The following SLX4IP variants were observed in gnomAD, a reference collection of about 807,000 sequenced individuals.
The protein encoded by SLX4IP is SLX4 interacting protein, also known as protein SLX4IP.
A neutral mutation model predicts 32.9 loss-of-function variants in SLX4IP; 34 were observed. The ratio of observed to expected loss-of-function variants is 1.03; its 90% CI spans 0.79 to 1.38. The LOEUF (loss-of-function observed/expected upper bound fraction) is 1.38, where lower values mean the gene tolerates loss of function less well. SLX4IP is among the 40% of genes most tolerant of loss of function. The pLI is 0.00. For missense variants in SLX4IP, 444 were observed against 479.0 expected (o/e 0.93, Z 0.68); for synonymous variants, 172 against 171.7 (o/e 1.00, Z -0.01).
chr20:10,535,468 C>G (rs531873659), intron 2 of SLX4IP, among the ~76,000 whole-genome samples: 32 of 152,152 alleles, frequency 2.1e-4, no homozygotes, highest in African/African-American at 2.6e-4. Flanking sequence ...ATTACAGGTG[C>G]GTGCCACCAT....
Position 10,490,632 on chromosome 20 carries a change from C to T in SLX4IP, c.27+32401C>T, listed in dbSNP as rs111887971. ...TTCTTTGTGCCTTTTCCAGAGGATC[C>T]AGAAAGAATGGAGAGACTTGAAACC... On this transcript the variant is annotated intron_variant, in intron 2 of 7. Transcript: ENST00000334534. Among the ~76,000 whole-genome samples the T allele has an allele frequency of 4.0e-3, 607 of 152,196 alleles. 6 individuals carry two copies. Among genetic ancestry groups the T allele is most frequent in the African/African-American group, 0.014 (572 of 41,516 alleles).
intron 6 of SLX4IP, among the ~76,000 whole-genome samples, chr20:10,608,526 T>G: frequency 6.7e-6 from 1 of 149,904 alleles, no homozygotes; most frequent in Admixed American, 6.6e-5. Context: ...AAAAAAAAGG[T>G]AGCCGGATGT....
chr20:10,600,023 C>CTGT (rs199631120), intron 5 of SLX4IP, among the ~76,000 whole-genome samples: 3,648 of 151,554 alleles, frequency 0.024, 101 homozygotes, highest in Admixed American at 0.088. Flanking sequence ...CACTAATGAA[C>CTGT]TGTTGTATTT....
chr20:10,521,102 C>G (rs1568721890), intron 2 of SLX4IP, among the ~76,000 whole-genome samples: 1 of 152,226 alleles, frequency 6.6e-6, no homozygotes, highest in Non-Finnish European at 1.5e-5. Flanking sequence ...GCAGTGTACT[C>G]TGATTACCTT....
At chr20:10,622,431 T>C (rs188710948) in intron 7 of SLX4IP, among the ~76,000 whole-genome samples, 2 of 152,342 alleles carry the variant, frequency 1.3e-5, no homozygotes, top group East Asian at 3.9e-4. Flanking sequence ...AACCCAATGA[T>C]TGATAAGCAG....
At position 10,627,058 on chromosome 20, in the gene SLX4IP, A is replaced by G. The variant is rs1279548635; in HGVS notation, c.*3679A>G. On this transcript the variant is annotated 3_prime_UTR_variant, in exon 8 of 8. Coordinates refer to ENST00000334534, the MANE Select transcript of SLX4IP (RefSeq NM_001009608.3). ...CCTCTGCTCAAGAGAGTGGCCTGGGATCACAGTGTCGTCATTCCCAATTTC... is the reference window on the plus strand; with the variant it reads ...CCTCTGCTCAAGAGAGTGGCCTGGGGTCACAGTGTCGTCATTCCCAATTTC... The G allele has an allele frequency of 2.0e-5, 3 of 152,204 alleles. No individual in the cohort carries two copies. Among genetic ancestry groups the G allele is most frequent in the Admixed American group, 1.3e-4 (2 of 15,278 alleles). The allele number at this position is 152,204 out of a possible 1,614,324, so 9.4% of individuals were successfully genotyped here.
At chr20:10,458,349 C>A in intron 2 of SLX4IP, 118 bp downstream of exon 2, 1 of 952,942 alleles carries the variant, frequency 1.0e-6, no homozygotes, top group Non-Finnish European at 1.5e-6. Flanking sequence ...TGGGACTCTG[C>A]AAAATTTTTT....
chr20:10,563,399 T>C (rs1290784981), intron 4 of SLX4IP, among the ~76,000 whole-genome samples: 1 of 152,210 alleles, frequency 6.6e-6, no homozygotes, highest in African/African-American at 2.4e-5. Context: ...ATAGAAGATT[T>C]TTAGTTTGAT....
chr20:10,578,909 T>G (rs1284160828), intron 4 of SLX4IP, among the ~76,000 whole-genome samples: 2 of 152,242 alleles, frequency 1.3e-5, no homozygotes, highest in African/African-American at 2.4e-5. Flanking sequence ...AACCCATTTT[T>G]AATTGGGTTA....
At chr20:10,458,333 T>C (rs2065305529) in intron 2 of SLX4IP, 102 bp downstream of exon 2, 2 of 1,233,536 alleles carry the variant, frequency 1.6e-6, no homozygotes, top group Admixed American at 2.6e-5. Flanking sequence ...TTCTGCTTTT[T>C]ACACTTGGGA....
intron 2 of SLX4IP, among the ~76,000 whole-genome samples, chr20:10,482,454 G>A (rs532131157): frequency 1.3e-5 from 2 of 152,282 alleles, no homozygotes; most frequent in African/African-American, 4.8e-5. Flanking sequence ...TTCAAGCTAA[G>A]TTTGAGGACT....
intron 1 of SLX4IP, among the ~76,000 whole-genome samples, chr20:10,440,182 C>T (rs143934046): frequency 1.5e-4 from 23 of 149,880 alleles, no homozygotes; most frequent in African/African-American, 4.6e-4. Context: ...AGACCCAGTA[C>T]GGTGGCTCAC....
intron 2 of SLX4IP, among the ~76,000 whole-genome samples, chr20:10,483,892 C>T (rs1396318004): frequency 6.6e-6 from 1 of 150,578 alleles, no homozygotes; most frequent in African/African-American, 2.4e-5. Flanking sequence ...CCTCTCTATA[C>T]CCAGAGGAAA....
chr20:10,505,276 G>T (rs1374173743), intron 2 of SLX4IP, among the ~76,000 whole-genome samples: 2 of 152,196 alleles, frequency 1.3e-5, no homozygotes, highest in East Asian at 3.9e-4. Flanking sequence ...ATGTGTGCAT[G>T]TCTTCAGTTA....
Position 10,623,528 on chromosome 20 carries a change from T to C in SLX4IP, c.*149T>C. On this transcript the variant is annotated 3_prime_UTR_variant, in exon 8 of 8. Coordinates refer to ENST00000334534, the MANE Select transcript of SLX4IP (RefSeq NM_001009608.3). ...TGTGTTATCTGTGTTATGGCTATGG[T>C]TTGTTTTCAAAGCATTTCAAACCGG... 1 of 1,239,078 alleles carries C rather than the reference T, an allele frequency of 8.1e-7. No homozygotes were observed. The highest frequency in any genetic ancestry group is 1.1e-6 in the Non-Finnish European group (1 of 919,630). The allele number at this position is 1,239,078 out of a possible 1,614,324, so 76.8% of individuals were successfully genotyped here.
chr20:10,550,487 C>T (rs1261596118), intron 2 of SLX4IP, among the ~76,000 whole-genome samples: 1 of 152,090 alleles, frequency 6.6e-6, no homozygotes, highest in Admixed American at 6.5e-5. Context: ...TCAAATGTGC[C>T]CCTTCCCCTT....
intron 2 of SLX4IP, among the ~76,000 whole-genome samples, chr20:10,552,810 A>G (rs2066230412): frequency 6.6e-6 from 1 of 151,254 alleles, no homozygotes; most frequent in Admixed American, 6.6e-5. Context: ...CTTAAGCTTA[A>G]GATTCCCCTC....
At chr20:10,544,582 C>T (rs1172313614) in intron 2 of SLX4IP, among the ~76,000 whole-genome samples, 2 of 152,114 alleles carry the variant, frequency 1.3e-5, no homozygotes, top group African/African-American at 4.8e-5. Context: ...AGATGGGGTT[C>T]TGGCATGTTG....
intron 6 of SLX4IP, among the ~76,000 whole-genome samples, chr20:10,603,894 G>T (rs1191216889): frequency 2.0e-5 from 3 of 152,160 alleles, no homozygotes; most frequent in African/African-American, 7.2e-5. Context: ...CCTTCCACCA[G>T]AAGTGTCTTG....
Sources: allele counts gnomAD v4.1 joint callset (sites outside exome capture counted in the v4.1 genomes callset), GRCh38; gene constraint gnomAD v4.1.1; transcripts MANE v1.5; gene names NCBI Gene and HGNC (gene_info 2026-07-23, HGNC 2026-07-21).